METTL24: variants seen among roughly 807,000 people sequenced by gnomAD.
METTL24 encodes probable methyltransferase-like protein 24.
Under a neutral mutation model 32.7 loss-of-function variants are expected in METTL24, and 29 were observed. The ratio of observed to expected loss-of-function variants is 0.89; its 90% CI spans 0.66 to 1.21. METTL24 has a LOEUF of 1.21. Ranked by LOEUF, METTL24 falls within the 50% of genes most tolerant of loss-of-function variation. The pLI is 0.00. For synonymous variants in METTL24, 163 were observed against 179.5 expected (o/e 0.91, Z 0.73); for missense variants, 439 against 468.1 (o/e 0.94, Z 0.57).
rs557075105 is a variant in METTL24 at position 110,324,994 on chromosome 6, T to C, written c.319-2122A>G. Among the ~76,000 whole-genome samples the C allele has an allele frequency of 2.6e-5, 4 of 152,322 alleles. No individual in the cohort carries two copies. The South Asian group carries it at 6.2e-4, about 24-fold the overall frequency. ...AGGAGAGTTGTTCTCTTTAGGAAAT[T>C]ATTCGATTCTGAAATCATAAATTAT... On this transcript the variant is annotated intron_variant, in intron 1 of 4. Transcript: ENST00000338882.
intron 4 of METTL24, among the ~76,000 whole-genome samples, chr6:110,297,741 T>C (rs1355744077): frequency 2.0e-5 from 3 of 152,200 alleles, no homozygotes; most frequent in Non-Finnish European, 4.4e-5. Context: ...AAAAAGGAGT[T>C]CTCTTCTGAG....
intron 1 of METTL24, among the ~76,000 whole-genome samples, chr6:110,352,740 A>G (rs1772632431): frequency 6.6e-6 from 1 of 152,170 alleles, no homozygotes. Context: ...AAACAGGCTC[A>G]TGTTACTTTC....
intron 4 of METTL24, among the ~76,000 whole-genome samples, chr6:110,249,607 C>T (rs1488615233): frequency 6.6e-6 from 1 of 152,048 alleles, no homozygotes; most frequent in East Asian, 1.9e-4. Context: ...CTCCATAATG[C>T]ATCCAATATT....
chr6:110,268,168 T>C (rs1247443477), intron 4 of METTL24, among the ~76,000 whole-genome samples: 1 of 152,110 alleles, frequency 6.6e-6, no homozygotes, highest in Non-Finnish European at 1.5e-5. Flanking sequence ...GTTATCCTCA[T>C]GTTACAGATG....
In METTL24 at chr6:110,298,910, G is replaced by A; in HGVS notation, c.786+12C>T. 6.2e-7 allele frequency: 1 copy of A among 1,611,266 alleles called. No individual in the cohort carries two copies. The highest frequency in any genetic ancestry group is 1.1e-5 in the South Asian group (1 of 90,908). Reference sequence around the variant, plus strand: ...ACTTTATTCAAGTATAAAATCAAATGAAAAACCTCACCTTGTGATGTCCAA... The same window carrying A: ...ACTTTATTCAAGTATAAAATCAAATAAAAAACCTCACCTTGTGATGTCCAA... On this transcript the variant is annotated intron_variant, in intron 4 of 4. Transcript: ENST00000338882.
At chr6:110,265,565 A>G (rs1348544826) in intron 4 of METTL24, among the ~76,000 whole-genome samples, 30 of 152,130 alleles carry the variant, frequency 2.0e-4, no homozygotes, top group Admixed American at 2.0e-3. Context: ...AGATATAAGT[A>G]AAAGTGTCAT....
chr6:110,338,229 G>A (rs183369877), intron 1 of METTL24, among the ~76,000 whole-genome samples: 1 of 152,280 alleles, frequency 6.6e-6, no homozygotes, highest in African/African-American at 2.4e-5. Context: ...GGGTGTGGTG[G>A]CTCACACCTG....
At chr6:110,303,461 T>C (rs1437209484) in intron 3 of METTL24, among the ~76,000 whole-genome samples, 1 of 152,160 alleles carries the variant, frequency 6.6e-6, no homozygotes, top group Admixed American at 6.5e-5. Context: ...TGACCTGGGA[T>C]GCTCAAGCTT....
intron 3 of METTL24, among the ~76,000 whole-genome samples, chr6:110,309,862 C>CA (rs11408319): frequency 0.037 from 5,405 of 147,976 alleles, 331 homozygotes; most frequent in African/African-American, 0.13. Flanking sequence ...TTCTTAGGAG[C>CA]AAAAAAAACA....
intron 4 of METTL24, among the ~76,000 whole-genome samples, chr6:110,249,532 C>T (rs908972053): frequency 3.3e-5 from 5 of 151,958 alleles, no homozygotes; most frequent in Admixed American, 2.0e-4. Context: ...TGTGCTTTTT[C>T]TGTTTCTCAC....
At chr6:110,273,818 T>C (rs1770997734) in intron 4 of METTL24, among the ~76,000 whole-genome samples, 1 of 152,100 alleles carries the variant, frequency 6.6e-6, no homozygotes. Context: ...AATATGGAGA[T>C]TCCTTAAAAA....
intron 3 of METTL24, among the ~76,000 whole-genome samples, chr6:110,310,000 A>G (rs1041385715): frequency 1.5e-4 from 23 of 152,214 alleles, no homozygotes; most frequent in Admixed American, 1.5e-3. Flanking sequence ...GAAAAGGGTA[A>G]TTTGGGGAAA....
rs2114732150 is a variant in METTL24 at position 110,299,211 on chromosome 6, AAC to A, written c.558-63_558-62del. On this transcript the variant is annotated intron_variant, in intron 3 of 4. Coordinates refer to ENST00000338882, the MANE Select transcript of METTL24 (RefSeq NM_001123364.3). ...ATGCAATGAAGCAAAGTGTTGGACT[AAC>A]AAGATGACAGTTCCAAGGCCAAGGT... is the stretch of plus-strand genomic sequence containing the variant. 3.4e-6 allele frequency: 5 copies of A among 1,480,922 alleles called. No homozygotes were observed. The South Asian group carries it at 5.7e-5, about 17-fold the overall frequency. 91.7% of individuals were successfully genotyped at this position (1,480,922 alleles called of 1,614,324 possible).
chr6:110,252,905 T>C (rs1778308865), intron 4 of METTL24, among the ~76,000 whole-genome samples: 1 of 152,186 alleles, frequency 6.6e-6, no homozygotes, highest in Non-Finnish European at 1.5e-5. Flanking sequence ...GTCACTGTCT[T>C]AAAATTCTTC....
intron 4 of METTL24, among the ~76,000 whole-genome samples, chr6:110,257,488 A>T (rs2114696161): frequency 6.6e-6 from 1 of 152,316 alleles, no homozygotes; most frequent in Non-Finnish European, 1.5e-5. Flanking sequence ...ACCATACTGG[A>T]TGGTGCAGCC....
At chr6:110,356,322 A>G (rs1453656452) in intron 1 of METTL24, among the ~76,000 whole-genome samples, 1 of 152,260 alleles carries the variant, frequency 6.6e-6, no homozygotes, top group African/African-American at 2.4e-5. Flanking sequence ...GCACGCCTGT[A>G]ATCCCAGCTA....
intron 2 of METTL24, among the ~76,000 whole-genome samples, chr6:110,318,232 T>C (rs923057871): frequency 9.9e-5 from 15 of 152,262 alleles, no homozygotes; most frequent in Non-Finnish European, 1.8e-4. Context: ...ACACTTTGTC[T>C]ACTTTAAGCA....
chr6:110,271,821 G>A (rs1337369947), intron 4 of METTL24, among the ~76,000 whole-genome samples: 1 of 152,068 alleles, frequency 6.6e-6, no homozygotes, highest in East Asian at 1.9e-4. Context: ...ATAATAAATC[G>A]CTGATAGTGC....
chr6:110,337,815 A>G (rs1772268347), intron 1 of METTL24, among the ~76,000 whole-genome samples: 1 of 152,178 alleles, frequency 6.6e-6, no homozygotes, highest in African/African-American at 2.4e-5. Flanking sequence ...TTAATCCTTC[A>G]AGCCTCTACT....
Sources: gnomAD v4.1 joint callset for allele counts (sites outside exome capture counted in the v4.1 genomes callset) on GRCh38, gnomAD v4.1.1 for gene constraint, MANE v1.5 for transcripts, NCBI Gene and HGNC (gene_info 2026-07-23, HGNC 2026-07-21) for gene names.